Variants in AK9 observed in about 807,000 individuals in gnomAD.
The protein encoded by AK9 is adenylate kinase domain containing 1.
Under a neutral mutation model 239.6 loss-of-function variants are expected in AK9, and 191 were observed. That is an observed-to-expected ratio of 0.80 (90% CI 0.71 to 0.90). AK9 has a LOEUF of 0.90. Among genes scored for constraint, AK9 ranks in the 40% least tolerant of loss-of-function variants. The probability of loss-of-function intolerance (pLI) is 0.00; values close to 1 mark genes in which losing one functional copy is unlikely to be tolerated. For synonymous variants in AK9, 689 were observed against 721.0 expected (o/e 0.96, Z 0.71); for missense variants, 1,995 against 2,214.7 (o/e 0.90, Z 1.99).
intron 1 of AK9, chr6:109,690,435 G>C (rs1014885423): frequency 6.6e-6 from 1 of 152,162 alleles, no homozygotes; most frequent in East Asian, 1.9e-4. Flanking sequence ...CCTCCAGGGC[G>C]GACCACGACC....
chr6:109,655,910 C>T (rs1383528445), intron 8 of AK9, among the ~76,000 whole-genome samples: 1 of 152,084 alleles, frequency 6.6e-6, no homozygotes, highest in Non-Finnish European at 1.5e-5. Flanking sequence ...CATATGAAAG[C>T]AATTAAGTGT....
chr6:109,548,151 G>C (rs1049600579), intron 25 of AK9, among the ~76,000 whole-genome samples: 1 of 152,116 alleles, frequency 6.6e-6, no homozygotes, highest in African/African-American at 2.4e-5. Context: ...AAACAGTATG[G>C]AATTTTCTCA....
chr6:109,623,904 C>CACA (rs772870675), intron 12 of AK9, among the ~76,000 whole-genome samples: 63 of 124,358 alleles, frequency 5.1e-4, no homozygotes, highest in African/African-American at 9.7e-4. Context: ...CACACACACA[C>CACA]ATTTCTTCTC....
chr6:109,603,877 C>T (rs1400900199), intron 17 of AK9, among the ~76,000 whole-genome samples: 1 of 152,176 alleles, frequency 6.6e-6, no homozygotes, highest in Non-Finnish European at 1.5e-5. Flanking sequence ...GAGCCAGGCG[C>T]AGGATATAAT....
chr6:109,509,356 T>C lies in AK9; in HGVS notation c.4304A>G (p.Tyr1435Cys). Reference protein sequence around the residue: ...TTVAKKITSEYGLKHLSIGGA... With the variant: ...TTVAKKITSECGLKHLSIGGA... ...TCCTATTGATAAATGCTTTAACCCATATTCACTTGTAATTTTTTTGGCAAC... is the reference window on the plus strand; with the variant it reads ...TCCTATTGATAAATGCTTTAACCCACATTCACTTGTAATTTTTTTGGCAAC... The change falls in exon 33 of 41, where the codon TAT (tyrosine) becomes TGT (cysteine). Residue 1435 changes from tyrosine (Y) to cysteine (C), a missense_variant. Coordinates refer to ENST00000424296, the MANE Select transcript of AK9 (RefSeq NM_001145128.3). 6.5e-7 allele frequency: 1 copy of C among 1,549,864 alleles called. No homozygotes were observed. The highest frequency in any genetic ancestry group is 8.7e-7 in the Non-Finnish European group (1 of 1,146,454).
intron 10 of AK9, among the ~76,000 whole-genome samples, chr6:109,638,594 C>G (rs922749034): frequency 2.6e-5 from 4 of 152,174 alleles, no homozygotes; most frequent in Non-Finnish European, 4.4e-5. Context: ...ATCCCCCCAC[C>G]TCAGCCTCTC....
intron 8 of AK9, among the ~76,000 whole-genome samples, chr6:109,648,404 G>A (rs1798391034): frequency 6.6e-6 from 1 of 152,012 alleles, no homozygotes; most frequent in Middle Eastern, 3.4e-3. Flanking sequence ...AATGATAAAG[G>A]GGATATCACC....
chr6:109,645,267 G>C (rs1367425446), intron 8 of AK9, among the ~76,000 whole-genome samples: 1 of 152,176 alleles, frequency 6.6e-6, no homozygotes, highest in Non-Finnish European at 1.5e-5. Context: ...CACTTCACCT[G>C]GGAAGCACAA....
At chr6:109,587,191 G>A (rs141719663) in intron 17 of AK9, among the ~76,000 whole-genome samples, 90 of 151,916 alleles carry the variant, frequency 5.9e-4, no homozygotes, top group Admixed American at 5.2e-4. Flanking sequence ...AGAGAATTAG[G>A]GAAAAAGAAA....
At chr6:109,679,160 T>C (rs1772228900) in intron 1 of AK9, among the ~76,000 whole-genome samples, 1 of 151,988 alleles carries the variant, frequency 6.6e-6, no homozygotes, top group African/African-American at 2.4e-5. Context: ...GTGGTCTAGC[T>C]CAGCGGATCC....
intron 17 of AK9, among the ~76,000 whole-genome samples, chr6:109,602,212 T>C (rs1163171551): frequency 3.3e-5 from 5 of 152,204 alleles, no homozygotes; most frequent in South Asian, 2.1e-4. Context: ...TGGCTGGTAC[T>C]GGTTGTTCCT....
At chr6:109,588,349 G>A (rs1218410227) in intron 17 of AK9, among the ~76,000 whole-genome samples, 4 of 151,988 alleles carry the variant, frequency 2.6e-5, no homozygotes, top group South Asian at 2.1e-4. Flanking sequence ...GATTACAGGC[G>A]TGAGCCACCG....
At chr6:109,655,310 T>A (rs1799536203) in intron 8 of AK9, among the ~76,000 whole-genome samples, 1 of 152,184 alleles carries the variant, frequency 6.6e-6, no homozygotes, top group African/African-American at 2.4e-5. Flanking sequence ...AGCTGAACAT[T>A]TTTTCTACAG....
chr6:109,690,578 G>T (rs1167217965), intron 1 of AK9: 2 of 152,228 alleles, frequency 1.3e-5, no homozygotes, highest in Admixed American at 1.3e-4. Flanking sequence ...CCTGCTGCTT[G>T]GTGGGGCGGG....
intron 8 of AK9, among the ~76,000 whole-genome samples, chr6:109,652,825 C>T (rs1799158696): frequency 6.6e-6 from 1 of 152,200 alleles, no homozygotes; most frequent in African/African-American, 2.4e-5. Flanking sequence ...AACCATTCAC[C>T]TCATTGATAT....
At chr6:109,530,248 G>A (rs994235299) in intron 28 of AK9, among the ~76,000 whole-genome samples, 3 of 152,176 alleles carry the variant, frequency 2.0e-5, no homozygotes, top group Non-Finnish European at 4.4e-5. Context: ...TGGGGCTCTG[G>A]TGCAGATGAG....
At chr6:109,606,295 T>G (rs1011073443) in intron 17 of AK9, among the ~76,000 whole-genome samples, 4 of 151,082 alleles carry the variant, frequency 2.6e-5, no homozygotes, top group Non-Finnish European at 5.9e-5. Context: ...GATAGATAGA[T>G]AGATAGGAGA....
intron 1 of AK9, among the ~76,000 whole-genome samples, chr6:109,689,359 C>A (rs974737210): frequency 1.6e-4 from 24 of 152,166 alleles, no homozygotes; most frequent in African/African-American, 5.6e-4. Context: ...TGACATACAC[C>A]TTTTCTATGC....
At chr6:109,536,144 A>G (rs1460441406) in intron 27 of AK9, among the ~76,000 whole-genome samples, 1 of 152,230 alleles carries the variant, frequency 6.6e-6, no homozygotes, top group African/African-American at 2.4e-5. Context: ...TTCTGTGAAG[A>G]AAGTCATTGG....
Sources: allele counts gnomAD v4.1 joint callset (sites outside exome capture counted in the v4.1 genomes callset), GRCh38; gene constraint gnomAD v4.1.1; transcripts MANE v1.5; gene names NCBI Gene and HGNC (gene_info 2026-07-23, HGNC 2026-07-21).